The following NT5DC1 variants were observed in gnomAD, a reference collection of about 807,000 sequenced individuals.
NT5DC1 encodes the protein 5'-nucleotidase domain-containing protein 1.
In NT5DC1, 42 loss-of-function variants were observed where a neutral mutation model predicts 59.4. The ratio of observed to expected loss-of-function variants is 0.71; its 90% CI spans 0.55 to 0.92. The LOEUF is 0.92. Among genes scored for constraint, NT5DC1 ranks in the 40% least tolerant of loss-of-function variants. The pLI is 0.00. For synonymous variants in NT5DC1, 172 were observed against 188.1 expected, an observed-to-expected ratio of 0.91 and a Z score of 0.70; for missense variants, 501 against 537.1, an observed-to-expected ratio of 0.93 and a Z score of 0.66.
intron 6 of NT5DC1, among the ~76,000 whole-genome samples, chr6:116,188,838 AT>A (rs1213910694): frequency 6.6e-6 from 1 of 151,538 alleles, no homozygotes; most frequent in Non-Finnish European, 1.5e-5. Flanking sequence ...ATAACTTCTG[AT>A]TTAAGGAGAG....
In NT5DC1 at chr6:116,125,637, G is replaced by A; in HGVS notation, c.529+7692G>A. ...CCTATCCTATATATTTTTAATATGT[G>A]CCATAAATAAATGAGAGATCATTTT... On this transcript the variant is annotated intron_variant, in intron 6 of 11. Transcript: ENST00000319550. The A allele has an allele frequency of 4.0e-6, 3 of 742,528 alleles. No individual in the cohort carries two copies. The South Asian group carries it at 5.6e-5, about 14-fold the overall frequency. The allele number at this position is 742,528 out of a possible 1,614,324, so 46.0% of individuals were successfully genotyped here.
At chr6:116,237,310 CA>C in intron 9 of NT5DC1, 1 of 618,672 alleles carries the variant, frequency 1.6e-6, no homozygotes, top group Non-Finnish European at 3.0e-6. Context: ...ATCCTGATAA[CA>C]ATCTATCCAA....
chr6:116,199,681 C>A (rs1473382302), intron 6 of NT5DC1, among the ~76,000 whole-genome samples: 1 of 151,832 alleles, frequency 6.6e-6, no homozygotes, highest in African/African-American at 2.4e-5. Context: ...TTAAAAATTA[C>A]AATGATGGAG....
At chr6:116,172,843 C>G (rs1008408205) in intron 6 of NT5DC1, among the ~76,000 whole-genome samples, 1 of 151,976 alleles carries the variant, frequency 6.6e-6, no homozygotes, top group Non-Finnish European at 1.5e-5. Context: ...ATCTACTCTC[C>G]TTGTTTTTAT....
At chr6:116,126,139 C>T (rs185616148) in intron 6 of NT5DC1, 1 of 152,826 alleles carries the variant, frequency 6.5e-6, no homozygotes, top group Non-Finnish European at 1.5e-5. Context: ...AGGTGCCTCT[C>T]AAGAGCTGTT....
At chr6:116,103,102 C>G (rs1371514977) in intron 1 of NT5DC1, among the ~76,000 whole-genome samples, 1 of 152,196 alleles carries the variant, frequency 6.6e-6, no homozygotes. Context: ...TGGACTTCCC[C>G]TAGAGCCCAG....
At chr6:116,213,841 G>A (rs1294793766) in intron 6 of NT5DC1, among the ~76,000 whole-genome samples, 5 of 152,088 alleles carry the variant, frequency 3.3e-5, no homozygotes, top group Non-Finnish European at 1.5e-5. Context: ...AGTAGAAGGG[G>A]TGGAAGGGAA....
intron 6 of NT5DC1, among the ~76,000 whole-genome samples, chr6:116,219,493 T>C (rs1462622950): frequency 6.6e-6 from 1 of 152,076 alleles, no homozygotes; most frequent in East Asian, 1.9e-4. Context: ...AGGTGTAGAC[T>C]GATAGAGACC....
chr6:116,110,569 C>T (rs925404764), intron 3 of NT5DC1, among the ~76,000 whole-genome samples: 2 of 152,108 alleles, frequency 1.3e-5, no homozygotes, highest in Admixed American at 6.5e-5. Flanking sequence ...TGTAGTTAAA[C>T]GACAACTTCT....
At chr6:116,146,445 G>C (rs1486333930) in intron 6 of NT5DC1, among the ~76,000 whole-genome samples, 1 of 152,160 alleles carries the variant, frequency 6.6e-6, no homozygotes, top group Non-Finnish European at 1.5e-5. Context: ...AACTGGAGTT[G>C]CTTTACTCAA....
At chr6:116,169,449 A>G (rs192635682) in intron 6 of NT5DC1, among the ~76,000 whole-genome samples, 2 of 152,316 alleles carry the variant, frequency 1.3e-5, no homozygotes, top group East Asian at 1.9e-4. Context: ...TTCAGTAAGC[A>G]TAGTGATTAG....
At chr6:116,144,882 C>A (rs1025446198) in intron 6 of NT5DC1, among the ~76,000 whole-genome samples, 9 of 152,044 alleles carry the variant, frequency 5.9e-5, no homozygotes, top group African/African-American at 2.2e-4. Context: ...CAAAAACAGA[C>A]GTTTTCAAAC....
In NT5DC1 at chr6:116,243,889, A is replaced by AG; in HGVS notation, c.1253-20_1253-19insG. 1 of 970,472 alleles carries AG rather than the reference A, an allele frequency of 1.0e-6. No individual in the cohort carries two copies. Among genetic ancestry groups the AG allele is most frequent in the Non-Finnish European group, 1.6e-6 (1 of 619,642 alleles). 60.1% of individuals were successfully genotyped at this position (970,472 alleles called of 1,614,324 possible). On this transcript the variant is annotated intron_variant, in intron 11 of 11. Coordinates refer to ENST00000319550, the MANE Select transcript of NT5DC1 (RefSeq NM_152729.3). ...CATTCAGAGACCTGTGCAATAATTA[A>AG]ATTTTTTTTTCCTCCCCAGAATTAC... is the stretch of plus-strand genomic sequence containing the variant.
At chr6:116,229,598 C>T (rs2114550782) in intron 8 of NT5DC1, among the ~76,000 whole-genome samples, 1 of 152,276 alleles carries the variant, frequency 6.6e-6, no homozygotes, top group Non-Finnish European at 1.5e-5. Context: ...TGTTCTCTAT[C>T]ACGTGCAGTG....
At position 116,120,872 on chromosome 6, in the gene NT5DC1, C is replaced by T. The variant is rs143728723; in HGVS notation, c.529+2927C>T. On this transcript the variant is annotated intron_variant, in intron 6 of 11. Transcript: ENST00000319550. ...AGGGCCTGGGAGACCAGGAGGTCCT[C>T]CAACTCCAGGATCACCTTTTGGACC... 1.4e-5 allele frequency: 23 copies of T among 1,613,766 alleles called. No homozygotes were observed. In the African/African-American group the frequency reaches 2.7e-4, roughly 19 times the overall value.
At chr6:116,141,277 G>A (rs535898378) in intron 6 of NT5DC1, among the ~76,000 whole-genome samples, 4 of 149,418 alleles carry the variant, frequency 2.7e-5, no homozygotes, top group Non-Finnish European at 5.9e-5. Context: ...TTTTTTTTTG[G>A]TGGTGGTGGT....
At chr6:116,236,639 G>A (rs1013037399) in intron 8 of NT5DC1, among the ~76,000 whole-genome samples, 12 of 152,264 alleles carry the variant, frequency 7.9e-5, no homozygotes, top group Non-Finnish European at 1.0e-4. Context: ...TTGGTAAACC[G>A]TTTTGTAGCA....
chr6:116,230,972 T>C (rs775837449), intron 8 of NT5DC1, among the ~76,000 whole-genome samples: 31 of 152,028 alleles, frequency 2.0e-4, no homozygotes, highest in Admixed American at 9.8e-4. Context: ...CTGGGCGTGG[T>C]GGCAGGTGCC....
intron 6 of NT5DC1, among the ~76,000 whole-genome samples, chr6:116,194,269 G>T (rs1040561229): frequency 3.2e-4 from 48 of 151,942 alleles, no homozygotes; most frequent in African/African-American, 1.1e-3. Flanking sequence ...TATAAAAATG[G>T]AACTCTAAAA....
Sources: gnomAD v4.1 joint callset for allele counts (sites outside exome capture counted in the v4.1 genomes callset) on GRCh38, gnomAD v4.1.1 for gene constraint, MANE v1.5 for transcripts, NCBI Gene and HGNC (gene_info 2026-07-23, HGNC 2026-07-21) for gene names.